IGFBP7: variants seen among roughly 807,000 people sequenced by gnomAD.
The protein encoded by IGFBP7 is insulin like growth factor binding protein 7, also known as insulin-like growth factor-binding protein 7.
In IGFBP7, 31 loss-of-function variants were observed where a neutral mutation model predicts 29.4. The observed-to-expected ratio is 1.05, with a 90% confidence interval of 0.79 to 1.42. The LOEUF is 1.42. Among genes scored for constraint, IGFBP7 ranks in the 40% most tolerant of loss-of-function variants. The probability of loss-of-function intolerance (pLI) is 0.00; values close to 1 mark genes in which losing one functional copy is unlikely to be tolerated. For synonymous variants in IGFBP7, 172 were observed against 174.9 expected (o/e 0.98, Z 0.13); for missense variants, 393 against 395.5 (o/e 0.99, Z 0.05).
At chr4:57,087,898 G>A (rs1725534814) in intron 1 of IGFBP7, among the ~76,000 whole-genome samples, 1 of 43,190 alleles carries the variant, frequency 2.3e-5, no homozygotes, top group South Asian at 8.0e-4. Context: ...AGGTGTGGTG[G>A]CTTATGCCTG....
Position 57,031,226 on chromosome 4 carries a change from A to G in IGFBP7, c.*91T>C, listed in dbSNP as rs1723910668. ...GTGAATATAACTAAAGTGTTAGTGGATTGGATTAAAAGAAACTTATTAGGC... is the reference window on the plus strand; with the variant it reads ...GTGAATATAACTAAAGTGTTAGTGGGTTGGATTAAAAGAAACTTATTAGGC... On this transcript the variant is annotated 3_prime_UTR_variant, in exon 5 of 5. Transcript: ENST00000295666. 2 of 1,066,774 alleles carry G rather than the reference A, an allele frequency of 1.9e-6. No homozygotes were observed. Among genetic ancestry groups the G allele is most frequent in the Non-Finnish European group, 1.4e-6 (1 of 693,396 alleles). 66.1% of individuals were successfully genotyped at this position (1,066,774 alleles called of 1,614,324 possible).
chr4:57,039,924 C>A (rs1036154934), intron 2 of IGFBP7, among the ~76,000 whole-genome samples: 4 of 117,836 alleles, frequency 3.4e-5, no homozygotes, highest in African/African-American at 8.9e-5. Flanking sequence ...CTGCACCCAG[C>A]CTCACACTTT....
intron 1 of IGFBP7, among the ~76,000 whole-genome samples, chr4:57,078,785 C>G (rs1725291399): frequency 6.6e-6 from 1 of 151,956 alleles, no homozygotes; most frequent in African/African-American, 2.4e-5. Context: ...CTACAGAGCC[C>G]GGAGCACAGT....
At chr4:57,052,258 T>A (rs912534579) in intron 1 of IGFBP7, among the ~76,000 whole-genome samples, 2 of 152,132 alleles carry the variant, frequency 1.3e-5, no homozygotes, top group Non-Finnish European at 2.9e-5. Flanking sequence ...AAGAGAGGCA[T>A]GATTTAAAGG....
At chr4:57,078,415 AG>A (rs1044762218) in intron 1 of IGFBP7, among the ~76,000 whole-genome samples, 1 of 152,160 alleles carries the variant, frequency 6.6e-6, no homozygotes, top group Admixed American at 6.5e-5. Context: ...CAAATTAATT[AG>A]CCACTGCACA....
At chr4:57,092,024 A>C (rs1456252478) in intron 1 of IGFBP7, among the ~76,000 whole-genome samples, 1 of 152,216 alleles carries the variant, frequency 6.6e-6, no homozygotes, top group East Asian at 1.9e-4. Flanking sequence ...GCTGAGATTC[A>C]ACCTGGAGGT....
intron 1 of IGFBP7, among the ~76,000 whole-genome samples, chr4:57,079,594 T>C (rs974442315): frequency 1.3e-5 from 2 of 152,190 alleles, no homozygotes; most frequent in African/African-American, 4.8e-5. Context: ...GAAGTTTCAG[T>C]CTTCAGGAAA....
At position 57,039,065 on chromosome 4, in the gene IGFBP7, C is replaced by CAAAAA. The variant is rs71208974; in HGVS notation, c.585+1754_585+1758dup. Reference sequence around the variant, plus strand: ...GGGCAATAAGAGTGAAACTATGTCTCAAAAAAAAAAAAAAAAAAAAAAAGA... The same window carrying CAAAAA: ...GGGCAATAAGAGTGAAACTATGTCTCAAAAAAAAAAAAAAAAAAAAAAAAAAAAGA... On this transcript the variant is annotated intron_variant, in intron 2 of 4. Transcript: ENST00000295666. 3.7e-3 allele frequency among the ~76,000 whole-genome samples: 398 copies of CAAAAA among 106,394 alleles called. 5 individuals carry two copies. Among genetic ancestry groups the CAAAAA allele is most frequent in the African/African-American group, 0.012 (322 of 27,376 alleles). 69.8% of individuals were successfully genotyped at this position (106,394 alleles called of 152,430 possible). A position where few individuals can be genotyped will look rare whatever the true frequency, so the allele number is the denominator to read the frequency against.
chr4:57,078,699 A>G (rs1578638048), intron 1 of IGFBP7, among the ~76,000 whole-genome samples: 1 of 136,368 alleles, frequency 7.3e-6, no homozygotes, highest in African/African-American at 2.6e-5. Context: ...TTTTTTTTTT[A>G]AAGAGCTCTA....
rs556213584 is a variant in IGFBP7, at chr4:57,062,705, C to T, written c.476-21772G>A. 1.6e-4 allele frequency among the ~76,000 whole-genome samples: 24 copies of T among 152,274 alleles called. No homozygotes were observed. In the South Asian group the frequency reaches 4.6e-3, roughly 29 times the overall value. ...AAAATATGCTTTGTGTTTCGTCTTG[C>T]AAATCATTAAAAAGATGCCATATGC... On this transcript the variant is annotated intron_variant, in intron 1 of 4. Transcript: ENST00000295666.
intron 1 of IGFBP7, among the ~76,000 whole-genome samples, chr4:57,065,334 T>C (rs1283057135): frequency 6.6e-6 from 1 of 152,270 alleles, no homozygotes; most frequent in Admixed American, 6.5e-5. Flanking sequence ...TTTGAGACTC[T>C]GATTCATCCA....
At chr4:57,062,560 A>G (rs989066905) in intron 1 of IGFBP7, among the ~76,000 whole-genome samples, 14 of 152,204 alleles carry the variant, frequency 9.2e-5, no homozygotes, top group African/African-American at 3.1e-4. Context: ...TGATAACCCC[A>G]TCGTGGCCAA....
intron 2 of IGFBP7, among the ~76,000 whole-genome samples, chr4:57,034,664 CTGT>C (rs2109736254): frequency 6.6e-6 from 1 of 152,230 alleles, no homozygotes; most frequent in Admixed American, 6.5e-5. Context: ...TGGTACTCTG[CTGT>C]TGTGTCGGCT....
At chr4:57,075,945 C>T (rs1013062693) in intron 1 of IGFBP7, among the ~76,000 whole-genome samples, 9 of 152,102 alleles carry the variant, frequency 5.9e-5, no homozygotes, top group Admixed American at 2.6e-4. Flanking sequence ...TCAGAACTTT[C>T]GAGAATTCAG....
intron 1 of IGFBP7, among the ~76,000 whole-genome samples, chr4:57,109,237 T>C (rs370232305): frequency 1.3e-5 from 2 of 151,980 alleles, no homozygotes; most frequent in Non-Finnish European, 2.9e-5. Flanking sequence ...CTAGGCAACA[T>C]AGTGAAACTC....
chr4:57,033,385 C>T (rs940099144), intron 2 of IGFBP7, 74 bp from the exon 3 acceptor site: 14 of 911,832 alleles, frequency 1.5e-5, no homozygotes, highest in Non-Finnish European at 2.6e-5. Flanking sequence ...CACATCCCTA[C>T]AATTGCACAT....
At chr4:57,054,670 A>AATT (rs1724604427) in intron 1 of IGFBP7, among the ~76,000 whole-genome samples, 1 of 149,948 alleles carries the variant, frequency 6.7e-6, no homozygotes, top group African/African-American at 2.4e-5. Flanking sequence ...AAAAAAGAAG[A>AATT]AGAAATAGAT....
intron 1 of IGFBP7, among the ~76,000 whole-genome samples, chr4:57,075,159 G>T (rs1725190720): frequency 6.6e-6 from 1 of 152,172 alleles, no homozygotes; most frequent in South Asian, 2.1e-4. Context: ...ATTTATTCAT[G>T]CTAAAATGAG....
At chr4:57,041,089 C>A (rs1008822589) in intron 1 of IGFBP7, among the ~76,000 whole-genome samples, 156 bp from the exon 2 acceptor site, 3 of 152,172 alleles carry the variant, frequency 2.0e-5, no homozygotes, top group Non-Finnish European at 4.4e-5. Flanking sequence ...CCTCCTGCCA[C>A]CAACATGATT....
Sources: gnomAD v4.1 joint callset for allele counts (sites outside exome capture counted in the v4.1 genomes callset) on GRCh38, gnomAD v4.1.1 for gene constraint, MANE v1.5 for transcripts, NCBI Gene and HGNC (gene_info 2026-07-23, HGNC 2026-07-21) for gene names.